The following WAPL variants were observed in gnomAD, a reference collection of about 807,000 sequenced individuals.
WAPL encodes WAPL cohesin release factor.
In WAPL, 5 loss-of-function variants were observed where a neutral mutation model predicts 121.0. That is an observed-to-expected ratio of 0.04 (90% CI 0.02 to 0.09). The LOEUF (loss-of-function observed/expected upper bound fraction) is 0.09. WAPL is among the 10% of genes least tolerant of loss of function. WAPL has a pLI of 1.00. For missense variants in WAPL, 999 were observed against 1,410.8 expected (o/e 0.71, Z 4.68); for synonymous variants, 480 against 481.5 (o/e 1.00, Z 0.04).
At position 86,456,142 on chromosome 10, in the gene WAPL, C is replaced by T. The variant is rs570820361; in HGVS notation, c.2658-2311G>A. ...AATAAAACAAAGTCAGAGTGTCTTGCAAGCTGTCACAGGGGTACTAAGCTG... is the reference window on the plus strand; with the variant it reads ...AATAAAACAAAGTCAGAGTGTCTTGTAAGCTGTCACAGGGGTACTAAGCTG... On this transcript the variant is annotated intron_variant, in intron 12 of 18. Transcript: ENST00000298767. Among the ~76,000 whole-genome samples, 4 of 152,278 alleles carry T rather than the reference C, an allele frequency of 2.6e-5. No individual in the cohort carries two copies. The South Asian group carries it at 8.3e-4, about 32-fold the overall frequency.
chr10:86,505,051 G>C (rs1462137398), intron 2 of WAPL, among the ~76,000 whole-genome samples: 1 of 151,788 alleles, frequency 6.6e-6, no homozygotes, highest in African/African-American at 2.4e-5. Context: ...GAGAGCATTT[G>C]ATTAAAAAAA....
chr10:86,485,872 G>A (rs1027785754), intron 4 of WAPL, among the ~76,000 whole-genome samples: 1 of 152,002 alleles, frequency 6.6e-6, no homozygotes, highest in African/African-American at 2.4e-5. Flanking sequence ...CACAGTGAAA[G>A]TCATGTAGTA....
Position 86,438,107 on chromosome 10 carries a change from T to C in WAPL, c.3412-92A>G, listed in dbSNP as rs1365432585. 3.2e-5 allele frequency: 28 copies of C among 885,782 alleles called. No individual in the cohort carries two copies. In the Admixed American group the frequency reaches 4.9e-4, roughly 16 times the overall value. The allele number at this position is 885,782 out of a possible 1,614,324, so 54.9% of individuals were successfully genotyped here. A position where few individuals can be genotyped will look rare whatever the true frequency, so the allele number is the denominator to read the frequency against. On this transcript the variant is annotated intron_variant, in intron 17 of 18. Transcript: ENST00000298767. ...TTGTTGGTTTTGACACACATCTTGG[T>C]GCAAATTTTTAAGATCCTTGGAACA... is the stretch of plus-strand genomic sequence containing the variant.
intron 2 of WAPL, among the ~76,000 whole-genome samples, chr10:86,504,096 C>A (rs930991068): frequency 1.3e-5 from 2 of 152,082 alleles, no homozygotes; most frequent in African/African-American, 4.8e-5. Flanking sequence ...ATTGTTTGAA[C>A]CCAGGAGGCA....
At chr10:86,440,027 C>T (rs1452960157) in intron 17 of WAPL, among the ~76,000 whole-genome samples, 2 of 152,110 alleles carry the variant, frequency 1.3e-5, no homozygotes, top group Admixed American at 6.6e-5. Context: ...TAATAATCTC[C>T]AAGGCAACAA....
rs1202165024 is a variant in WAPL, at chr10:86,453,227, C to T, written c.2942G>A (p.Arg981Gln). 13 of 1,613,844 alleles carry T rather than the reference C, an allele frequency of 8.1e-6. No homozygotes were observed. The highest frequency in any genetic ancestry group is 2.2e-5 in the East Asian group (1 of 44,884). Residue 981 changes from arginine (R) to glutamine (Q), a missense_variant, in exon 14 of 19, where the codon CGA becomes CAA. This residue lies in a region of WAPL where 85 missense variants were observed against 133.5 expected (regional missense o/e 0.64). Transcript: ENST00000298767. ...YLPQEQRFDIRVLGLGLLINL... is the reference protein window; with the variant it reads ...YLPQEQRFDIQVLGLGLLINL... ...AAAGTCATTTCAACTTACCAGCACT[C>T]GAATATCAAATCTCTGCTCCTGAGG... is the stretch of plus-strand genomic sequence containing the variant.
At chr10:86,507,020 C>T (rs182022630) in intron 2 of WAPL, among the ~76,000 whole-genome samples, 57 of 126,192 alleles carry the variant, frequency 4.5e-4, no homozygotes, top group Admixed American at 4.3e-3. Flanking sequence ...TAAGACTAAA[C>T]AAATAATAAT....
chr10:86,461,864 CTGAT>C (rs1373146171), intron 9 of WAPL, among the ~76,000 whole-genome samples: 1 of 131,958 alleles, frequency 7.6e-6, no homozygotes, highest in Admixed American at 7.7e-5. Context: ...TCCTGCAAGA[CTGAT>C]TGTCTTTTCT....
At chr10:86,487,136 T>C (rs1463029101) in intron 4 of WAPL, among the ~76,000 whole-genome samples, 1 of 152,008 alleles carries the variant, frequency 6.6e-6, no homozygotes, top group African/African-American at 2.4e-5. Flanking sequence ...AGCCTGACTA[T>C]ACAGACAATG....
chr10:86,451,882 G>A, intron 15 of WAPL, 85 bp downstream of exon 15: 1 of 1,477,410 alleles, frequency 6.8e-7, no homozygotes, highest in Non-Finnish European at 9.2e-7. Flanking sequence ...GGCAAGAAAA[G>A]GAGGTAAAAG....
At chr10:86,512,852 T>G (rs923472541) in intron 2 of WAPL, among the ~76,000 whole-genome samples, 12 of 66,898 alleles carry the variant, frequency 1.8e-4, no homozygotes, top group Admixed American at 1.3e-3. Context: ...GTACATGAGG[T>G]TTTTTTTTAC....
chr10:86,470,273 A>T (rs1401112630), intron 8 of WAPL, among the ~76,000 whole-genome samples: 1 of 152,088 alleles, frequency 6.6e-6, no homozygotes, highest in Non-Finnish European at 1.5e-5. Flanking sequence ...ACCTGAGATG[A>T]TCTGCCCACT....
intron 9 of WAPL, among the ~76,000 whole-genome samples, chr10:86,463,324 A>T (rs1032747298): frequency 3.3e-5 from 5 of 152,230 alleles, no homozygotes; most frequent in Admixed American, 2.0e-4. Context: ...CAGGTCCTTC[A>T]GGAGGTATTC....
chr10:86,448,538 G>C (rs1029150262), intron 15 of WAPL, among the ~76,000 whole-genome samples: 3 of 152,184 alleles, frequency 2.0e-5, no homozygotes, highest in African/African-American at 4.8e-5. Context: ...AGCTCAGGAA[G>C]ACACATTAAG....
chr10:86,483,769 C>CAAAA (rs140276448), intron 4 of WAPL, among the ~76,000 whole-genome samples: 24 of 107,148 alleles, frequency 2.2e-4, no homozygotes, highest in African/African-American at 6.8e-4. Context: ...AAGTTTTTAA[C>CAAAA]AAAAAAAAAA....
chr10:86,513,893 G>A (rs1285795888), intron 2 of WAPL, among the ~76,000 whole-genome samples: 3 of 152,164 alleles, frequency 2.0e-5, no homozygotes, highest in Non-Finnish European at 4.4e-5. Flanking sequence ...GTTAAAATTT[G>A]CAACAGGTTT....
chr10:86,442,370 T>C (rs1849491811), intron 17 of WAPL, among the ~76,000 whole-genome samples: 1 of 152,200 alleles, frequency 6.6e-6, no homozygotes, highest in Non-Finnish European at 1.5e-5. Context: ...CTTTGGGATG[T>C]ACCTGAAAAA....
chr10:86,504,784 C>T (rs897873069), intron 2 of WAPL, among the ~76,000 whole-genome samples: 6 of 151,902 alleles, frequency 3.9e-5, no homozygotes, highest in East Asian at 3.9e-4. Context: ...TGAGTAGCCA[C>T]GCACTCCAGC....
intron 12 of WAPL, among the ~76,000 whole-genome samples, chr10:86,457,380 C>T (rs988477527): frequency 8.1e-5 from 12 of 148,694 alleles, no homozygotes; most frequent in African/African-American, 2.5e-4. Context: ...AGGCCAGGCA[C>T]GGTGGCTCAC....
Sources: allele counts gnomAD v4.1 joint callset (sites outside exome capture counted in the v4.1 genomes callset), GRCh38; gene constraint gnomAD v4.1.1; regional missense constraint gnomAD v4.1.1; transcripts MANE v1.5; gene names NCBI Gene and HGNC (gene_info 2026-07-23, HGNC 2026-07-21).